The following FGF13 variants were observed in gnomAD, a reference collection of about 807,000 sequenced individuals.
FGF13 encodes fibroblast growth factor 13.
A neutral mutation model predicts 19.5 loss-of-function variants in FGF13; 2 were observed. The ratio of observed to expected loss-of-function variants is 0.10; its 90% CI spans 0.04 to 0.32. The LOEUF (loss-of-function observed/expected upper bound fraction) is 0.32, where lower values mean the gene tolerates loss of function less well. Ranked by LOEUF, FGF13 falls within the 10% of genes least tolerant of loss-of-function variation. The pLI, the probability that FGF13 is intolerant of heterozygous loss-of-function variation, is 1.00. For synonymous variants in FGF13, 72 were observed against 76.9 expected (o/e 0.94, Z 0.33); for missense variants, 113 against 192.7 (o/e 0.59, Z 2.45).
intron 3 of FGF13, among the ~76,000 whole-genome samples, chrX:138,787,920 T>C (rs1472593724): frequency 8.9e-6 from 1 of 111,886 alleles, no homozygotes; most frequent in Non-Finnish European, 1.9e-5. Flanking sequence ...TTTCAACATA[T>C]GGATTTTGGG....
At chrX:139,003,721 C>G (rs750308046) in intron 1 of FGF13, among the ~76,000 whole-genome samples, 1 of 111,543 alleles carries the variant, frequency 9.0e-6, no homozygotes, top group African/African-American at 3.3e-5. Flanking sequence ...ACACAGGGTG[C>G]TGATTGGTGT....
At chrX:139,171,668 T>A (rs1256627367) in intron 1 of FGF13, among the ~76,000 whole-genome samples, 1 of 112,485 alleles carries the variant, frequency 8.9e-6, no homozygotes, top group Non-Finnish European at 1.9e-5. Flanking sequence ...GGATGCTTTT[T>A]CTAAAATATA....
At chrX:138,953,601 T>C (rs1419742927) in intron 1 of FGF13, among the ~76,000 whole-genome samples, 1 of 111,432 alleles carries the variant, frequency 9.0e-6, no homozygotes, top group Non-Finnish European at 1.9e-5. Context: ...AAAACATCTG[T>C]CTGCAAAAAT....
At chrX:139,182,112 T>A (rs2084244356) in intron 1 of FGF13, among the ~76,000 whole-genome samples, 1 of 111,854 alleles carries the variant, frequency 8.9e-6, no homozygotes. Flanking sequence ...CACTATTATA[T>A]GTGTTGTATA....
chrX:138,961,733 G>A (rs1417756874), intron 1 of FGF13, among the ~76,000 whole-genome samples: 1 of 111,688 alleles, frequency 9.0e-6, no homozygotes, highest in Non-Finnish European at 1.9e-5. Flanking sequence ...ACAAAAACAA[G>A]AAATGGGGAA....
chrX:138,645,592 G>T (rs965967446), intron 3 of FGF13, among the ~76,000 whole-genome samples: 1 of 112,038 alleles, frequency 8.9e-6, no homozygotes, highest in Admixed American at 9.4e-5. Flanking sequence ...GGAAATGCTC[G>T]ACAACTACCA....
chrX:138,721,816 TAC>T (rs1211293736), intron 1 of FGF13, among the ~76,000 whole-genome samples: 2 of 110,437 alleles, frequency 1.8e-5, no homozygotes, highest in African/African-American at 6.6e-5. Flanking sequence ...AAAATATATA[TAC>T]ACACATATAT....
chrX:138,692,766 T>C (rs2089852682), intron 3 of FGF13, among the ~76,000 whole-genome samples: 2 of 111,385 alleles, frequency 1.8e-5, no homozygotes, highest in Admixed American at 1.9e-4. Context: ...CTTTACTTGC[T>C]AAAATTCCTC....
chrX:139,049,742 A>C (rs896139520), intron 1 of FGF13, among the ~76,000 whole-genome samples: 13 of 112,654 alleles, frequency 1.2e-4, no homozygotes, highest in African/African-American at 3.2e-4. Flanking sequence ...GTTCAGCCAC[A>C]CATGGCCCAG....
At chrX:138,845,497 C>G (rs2091175198) in intron 3 of FGF13, among the ~76,000 whole-genome samples, 1 of 111,769 alleles carries the variant, frequency 8.9e-6, no homozygotes, top group Admixed American at 9.5e-5. Flanking sequence ...TTGACAGACA[C>G]TGTGCTATGC....
At chrX:138,660,071 T>C (rs2089475890) in intron 3 of FGF13, among the ~76,000 whole-genome samples, 1 of 111,926 alleles carries the variant, frequency 8.9e-6, no homozygotes, top group Non-Finnish European at 1.9e-5. Context: ...ACTTAAAGTA[T>C]AATATTTTTT....
intron 3 of FGF13, among the ~76,000 whole-genome samples, chrX:138,777,709 T>A (rs994192554): frequency 9.0e-6 from 1 of 111,631 alleles, no homozygotes. Context: ...GCGAAAGCTC[T>A]AAAAATATTA....
In FGF13 at chrX:138,816,324, G is replaced by C. The variant is rs182145453; in HGVS notation, c.217+41188C>G. Among the ~76,000 whole-genome samples, 914 of 111,853 alleles carry C rather than the reference G, an allele frequency of 8.2e-3. 11 individuals are homozygous for C. The highest frequency in any genetic ancestry group is 0.029 in the African/African-American group (884 of 30,853). On this transcript the variant is annotated intron_variant, in intron 3 of 6. Coordinates refer to the FGF13 transcript ENST00000436198. ...TCACCTATCAGGCAAAAATTAAATAGTGCAACCTACTCTGTAGGTGAGGCT... is the reference window on the plus strand; with the variant it reads ...TCACCTATCAGGCAAAAATTAAATACTGCAACCTACTCTGTAGGTGAGGCT...
At chrX:139,087,697 T>G (rs1205768948) in intron 1 of FGF13, among the ~76,000 whole-genome samples, 2 of 111,688 alleles carry the variant, frequency 1.8e-5, no homozygotes, top group Admixed American at 1.9e-4. Context: ...TACCACTTTA[T>G]TCCTGGGAAA....
intron 1 of FGF13, among the ~76,000 whole-genome samples, chrX:139,014,868 C>T (rs1332884810): frequency 1.8e-5 from 2 of 111,287 alleles, no homozygotes; most frequent in African/African-American, 6.5e-5. Flanking sequence ...GATCATTCAT[C>T]ATGACCAACT....
intron 3 of FGF13, among the ~76,000 whole-genome samples, chrX:138,852,403 C>A (rs971922826): frequency 1.2e-4 from 13 of 111,300 alleles, no homozygotes; most frequent in African/African-American, 4.3e-4. Flanking sequence ...TAAGACCGCA[C>A]ACCTACAACC....
At chrX:138,905,443 A>G (rs1455935040) in intron 1 of FGF13, among the ~76,000 whole-genome samples, 1 of 111,839 alleles carries the variant, frequency 8.9e-6, no homozygotes, top group Non-Finnish European at 1.9e-5. Context: ...GAGACTCCAT[A>G]TACTCCCTAA....
chrX:138,770,209 G>A (rs1301996804), intron 3 of FGF13, among the ~76,000 whole-genome samples: 2 of 110,839 alleles, frequency 1.8e-5, no homozygotes, highest in East Asian at 5.7e-4. Flanking sequence ...CAATATTTTC[G>A]GCACTGGGGG....
chrX:138,828,569 C>CAAAA (rs11351814), intron 3 of FGF13, among the ~76,000 whole-genome samples: 1 of 48,083 alleles, frequency 2.1e-5, no homozygotes, highest in East Asian at 7.3e-4. Flanking sequence ...GACTCCGTCT[C>CAAAA]AAAAAAAAAA....
Sources: allele counts gnomAD v4.1 joint callset (sites outside exome capture counted in the v4.1 genomes callset), GRCh38; gene constraint gnomAD v4.1.1; transcripts MANE v1.5; gene names NCBI Gene and HGNC (gene_info 2026-07-23, HGNC 2026-07-21).